The following NAA30 variants were observed in gnomAD, a reference collection of about 807,000 sequenced individuals.
NAA30 encodes the protein N-alpha-acetyltransferase 30.
In NAA30, 5 loss-of-function variants were observed where a neutral mutation model predicts 31.4. The observed-to-expected ratio is 0.16, with a 90% CI of 0.08 to 0.33. The LOEUF (loss-of-function observed/expected upper bound fraction) is 0.33, where lower values mean the gene tolerates loss of function less well. Among genes scored for constraint, NAA30 ranks in the 10% least tolerant of loss-of-function variants. NAA30 has a pLI of 1.00. For synonymous variants in NAA30, 222 were observed against 207.1 expected, an observed-to-expected ratio of 1.07 and a Z score of -0.62; for missense variants, 428 against 490.8, an observed-to-expected ratio of 0.87 and a Z score of 1.21.
chr14:57,411,027 T>A lies in NAA30; in HGVS notation c.*1511T>A, dbSNP rs919085493. On this transcript the variant is annotated 3_prime_UTR_variant, in exon 5 of 5. Coordinates refer to ENST00000556492, the MANE Select transcript of NAA30 (RefSeq NM_001011713.3). ...TTAAAAACCCTACCTCCATTAACAG[T>A]TGGTAAAGGCCCCTTTTCAGGAAAG... The A allele has an allele frequency of 1.3e-5, 2 of 152,216 alleles. No homozygotes were observed. Among genetic ancestry groups the A allele is most frequent in the East Asian group, 3.8e-4 (2 of 5,208 alleles). The allele number at this position is 152,216 out of a possible 1,614,324, so 9.4% of individuals were successfully genotyped here. A position where few individuals can be genotyped will look rare whatever the true frequency, so the allele number is the denominator to read the frequency against.
In NAA30 at chr14:57,390,977, G is replaced by T; in HGVS notation, c.20G>T (p.Gly7Val). 2 of 1,487,900 alleles carry T rather than the reference G, an allele frequency of 1.3e-6. No individual in the cohort carries two copies. The highest frequency in any genetic ancestry group is 1.8e-6 in the Non-Finnish European group (2 of 1,126,278). The allele number at this position is 1,487,900 out of a possible 1,614,324, so 92.2% of individuals were successfully genotyped here. Residue 7 changes from glycine to valine, a missense_variant, in exon 2 of 5, where the codon GGG becomes GTG. Physicochemically the swap from Gly to Val is moderately radical, Grantham distance 109. Transcript: ENST00000556492. MAEVPPGPSSLLPPPAP... is the reference protein window; with the variant it reads MAEVPPVPSSLLPPPAP... ...TCTAGGATGGCGGAGGTACCGCCTG[G>T]GCCTAGCAGCCTCCTCCCACCACCA... is the stretch of plus-strand genomic sequence containing the variant.
At position 57,409,595 on chromosome 14, in the gene NAA30, G is replaced by GC; in HGVS notation, c.*80dup. 1 of 1,409,782 alleles carries GC rather than the reference G, an allele frequency of 7.1e-7. No individual in the cohort carries two copies. Among genetic ancestry groups the GC allele is most frequent in the Non-Finnish European group, 9.4e-7 (1 of 1,061,058 alleles). 87.3% of individuals were successfully genotyped at this position (1,409,782 alleles called of 1,614,324 possible). On this transcript the variant is annotated 3_prime_UTR_variant, in exon 5 of 5. Coordinates refer to ENST00000556492, the MANE Select transcript of NAA30 (RefSeq NM_001011713.3). ...AATGCAATTTGTACAGAATTGCTTT[G>GC]CAGGTGGATTTAGTAATTTCCATGC...
intron 3 of NAA30, among the ~76,000 whole-genome samples, chr14:57,398,292 AAG>A (rs750834298): frequency 7.2e-5 from 11 of 152,114 alleles, no homozygotes; most frequent in Admixed American, 2.6e-4. Flanking sequence ...ATGCATTAAA[AAG>A]CACTGATAAG....
chr14:57,409,932 A>G lies in NAA30; in HGVS notation c.*416A>G, dbSNP rs2066516130. ...ACACAAAACCTGCCCTAGTTTTCTG[A>G]AGTGGGTGAGGGAGACGCTTCAGTT... is the stretch of plus-strand genomic sequence containing the variant. On this transcript the variant is annotated 3_prime_UTR_variant, in exon 5 of 5. Transcript: ENST00000556492. 6.5e-6 allele frequency: 1 copy of G among 154,968 alleles called. No homozygotes were observed. The allele number at this position is 154,968 out of a possible 1,614,324, so 9.6% of individuals were successfully genotyped here.
Position 57,411,222 on chromosome 14 carries a change from T to C in NAA30, c.*1706T>C, listed in dbSNP as rs573127541. 6.6e-6 allele frequency: 1 copy of C among 152,216 alleles called. No homozygotes were observed. The highest frequency in any genetic ancestry group is 1.9e-4 in the East Asian group (1 of 5,194). 9.4% of individuals were successfully genotyped at this position (152,216 alleles called of 1,614,324 possible). On this transcript the variant is annotated 3_prime_UTR_variant, in exon 5 of 5. Coordinates refer to ENST00000556492, the MANE Select transcript of NAA30 (RefSeq NM_001011713.3). The stretch of plus-strand genomic sequence containing the variant: ...TATAGTTCTTTATTTTTAAAGAAAA[T>C]GTTTTCCTTTTTATATTGCTCTTGA...
chr14:57,409,744 G>A lies in NAA30; in HGVS notation c.*228G>A. On this transcript the variant is annotated 3_prime_UTR_variant, in exon 5 of 5. Coordinates refer to ENST00000556492, the MANE Select transcript of NAA30 (RefSeq NM_001011713.3). ...GGAGTTCTTTTGGTACCAACAAGAT[G>A]TGCCAGTTGATAGCCAAGATTTATG... 2.6e-6 allele frequency: 1 copy of A among 382,806 alleles called. No homozygotes were observed. Among genetic ancestry groups the A allele is most frequent in the Non-Finnish European group, 4.6e-6 (1 of 218,126 alleles). 23.7% of individuals were successfully genotyped at this position (382,806 alleles called of 1,614,324 possible).
At chr14:57,392,909 A>C (rs2066436083) in intron 2 of NAA30, among the ~76,000 whole-genome samples, 1 of 152,324 alleles carries the variant, frequency 6.6e-6, no homozygotes, top group Non-Finnish European at 1.5e-5. Flanking sequence ...CTTAAACTTC[A>C]ATTCAGTACA....
At chr14:57,408,304 T>C (rs1367311965) in intron 4 of NAA30, among the ~76,000 whole-genome samples, 1 of 152,166 alleles carries the variant, frequency 6.6e-6, no homozygotes, top group Non-Finnish European at 1.5e-5. Flanking sequence ...TGAGAAACAA[T>C]TGAAAAGGCA....
intron 4 of NAA30, among the ~76,000 whole-genome samples, chr14:57,404,562 C>T (rs984797611): frequency 2.0e-5 from 3 of 152,132 alleles, no homozygotes; most frequent in Non-Finnish European, 1.5e-5. Flanking sequence ...AGTTCACTAC[C>T]TACCTTTCTA....
At position 57,399,969 on chromosome 14, in the gene NAA30, G is replaced by T. The variant is rs981077016; in HGVS notation, c.951+86G>T. The stretch of plus-strand genomic sequence containing the variant: ...AATAAATATTTTATAATTTATTGCA[G>T]ATTTCATTGCAGTGTTACTATACAA... On this transcript the variant is annotated intron_variant, in intron 4 of 4. Coordinates refer to ENST00000556492, the MANE Select transcript of NAA30 (RefSeq NM_001011713.3). 8.7e-6 allele frequency: 6 copies of T among 689,272 alleles called. No homozygotes were observed. In the South Asian group the frequency reaches 1.2e-4, roughly 13 times the overall value. The allele number at this position is 689,272 out of a possible 1,614,324, so 42.7% of individuals were successfully genotyped here.
chr14:57,402,852 AAGAG>A (rs577137751), intron 4 of NAA30, among the ~76,000 whole-genome samples: 184 of 152,324 alleles, frequency 1.2e-3, no homozygotes, highest in African/African-American at 4.2e-3. Context: ...AATTCTTACA[AAGAG>A]AGAGATTTTA....
At chr14:57,393,394 A>G (rs934063768) in intron 2 of NAA30, among the ~76,000 whole-genome samples, 1 of 152,140 alleles carries the variant, frequency 6.6e-6, no homozygotes, top group African/African-American at 2.4e-5. Context: ...GATATGCACA[A>G]GTGGTTGACC....
rs146728765 is a variant in NAA30 at position 57,400,123 on chromosome 14, A to G, written c.951+240A>G. Among the ~76,000 whole-genome samples the G allele has an allele frequency of 6.4e-3, 976 of 152,268 alleles. 28 individuals are homozygous for G. Among genetic ancestry groups the G allele is most frequent in the Admixed American group, 0.052 (797 of 15,284 alleles). ...GAATCTTAGACATTTTCAGTACACA[A>G]TTTTGGTATTCAGAGGCTTTATCAT... is the stretch of plus-strand genomic sequence containing the variant. On this transcript the variant is annotated intron_variant, in intron 4 of 4. Coordinates refer to ENST00000556492, the MANE Select transcript of NAA30 (RefSeq NM_001011713.3).
intron 2 of NAA30, among the ~76,000 whole-genome samples, chr14:57,393,461 TA>T (rs2066438276): frequency 6.6e-6 from 1 of 152,104 alleles, no homozygotes; most frequent in African/African-American, 2.4e-5. Context: ...AATAAAACAG[TA>T]AAAAAACAAC....
Position 57,390,988 on chromosome 14 carries a change from C to T in NAA30, c.31C>T (p.Leu11Phe), listed in dbSNP as rs775678157. ...GGAGGTACCGCCTGGGCCTAGCAGCCTCCTCCCACCACCAGCACCTCCGGC... is the reference window on the plus strand; with the variant it reads ...GGAGGTACCGCCTGGGCCTAGCAGCTTCCTCCCACCACCAGCACCTCCGGC... MAEVPPGPSS[L>F]LPPPAPPAPA... The change falls in exon 2 of 5, where the codon CTC becomes TTC. Residue 11 changes from leucine to phenylalanine, a missense_variant. Transcript: ENST00000556492. The T allele has an allele frequency of 8.7e-6, 13 of 1,493,876 alleles. No individual in the cohort carries two copies. Among genetic ancestry groups the T allele is most frequent in the Non-Finnish European group, 1.2e-5 (13 of 1,129,570 alleles). 92.5% of individuals were successfully genotyped at this position (1,493,876 alleles called of 1,614,324 possible). A position where few individuals can be genotyped will look rare whatever the true frequency, so the allele number is the denominator to read the frequency against.
intron 4 of NAA30, 77 bp from the exon 5 acceptor site, chr14:57,409,302 T>C: frequency 8.4e-7 from 1 of 1,188,450 alleles, no homozygotes. Context: ...GTATGATTTT[T>C]TAAAAAATTG....
intron 4 of NAA30, among the ~76,000 whole-genome samples, chr14:57,405,044 T>G (rs1409741854): frequency 2.0e-5 from 3 of 152,204 alleles, no homozygotes; most frequent in Non-Finnish European, 2.9e-5. Context: ...GCAGACTGTT[T>G]ACAATCTGCT....
In NAA30 at chr14:57,414,102, T is replaced by C. The variant is rs1366661197; in HGVS notation, c.*4586T>C. The C allele has an allele frequency of 1.3e-5, 2 of 152,090 alleles. No homozygotes were observed. Among genetic ancestry groups the C allele is most frequent in the East Asian group, 1.9e-4 (1 of 5,184 alleles). 9.4% of individuals were successfully genotyped at this position (152,090 alleles called of 1,614,324 possible). ...AACAGGAAGGGAGTGTTTGTATAGG[T>C]TGAAAGATAAAATGGAAGGATCACA... is the stretch of plus-strand genomic sequence containing the variant. On this transcript the variant is annotated 3_prime_UTR_variant, in exon 5 of 5. Coordinates refer to ENST00000556492, the MANE Select transcript of NAA30 (RefSeq NM_001011713.3).
chr14:57,392,746 C>T (rs2066435352), intron 2 of NAA30, among the ~76,000 whole-genome samples: 1 of 152,162 alleles, frequency 6.6e-6, no homozygotes, highest in Non-Finnish European at 1.5e-5. Flanking sequence ...GCCACCATTA[C>T]TTAATGTTTT....
Sources: allele counts gnomAD v4.1 joint callset (sites outside exome capture counted in the v4.1 genomes callset), GRCh38; gene constraint gnomAD v4.1.1; transcripts MANE v1.5; gene names NCBI Gene and HGNC (gene_info 2026-07-23, HGNC 2026-07-21).